Variants in MBD5 observed in about 807,000 individuals in gnomAD.
MBD5 encodes the protein methyl-CpG-binding domain protein 5.
Under a neutral mutation model 117.3 loss-of-function variants are expected in MBD5, and 13 were observed. The ratio of observed to expected loss-of-function variants is 0.11; its 90% confidence interval spans 0.07 to 0.18. MBD5 has a LOEUF of 0.18. Ranked by LOEUF, MBD5 falls within the 10% of genes least tolerant of loss-of-function variation. The pLI is 1.00. For missense variants in MBD5, 1,879 were observed against 2,093.8 expected, an observed-to-expected ratio of 0.90 and a Z score of 2.00; for synonymous variants, 727 against 766.4, an observed-to-expected ratio of 0.95 and a Z score of 0.85.
chr2:148,220,490 C>A (rs887664114), intron 2 of MBD5, among the ~76,000 whole-genome samples: 9 of 152,194 alleles, frequency 5.9e-5, no homozygotes, highest in African/African-American at 2.2e-4. Flanking sequence ...CCCTTATCTG[C>A]AATTCTAATA....
At chr2:148,511,455 T>G (rs746771848) in intron 13 of MBD5, among the ~76,000 whole-genome samples, 3 of 152,372 alleles carry the variant, frequency 2.0e-5, no homozygotes, top group Non-Finnish European at 4.4e-5. Context: ...CTGGGAGTCA[T>G]GTGCTCTCTC....
intron 4 of MBD5, among the ~76,000 whole-genome samples, chr2:148,402,026 G>C (rs115414466): frequency 9.5e-4 from 144 of 152,060 alleles, no homozygotes; most frequent in African/African-American, 3.4e-3. Context: ...CCCGTTCTCG[G>C]TGCTTTATAG....
intron 3 of MBD5, among the ~76,000 whole-genome samples, chr2:148,307,770 T>C (rs1166691942): frequency 6.6e-6 from 1 of 152,136 alleles, no homozygotes; most frequent in Non-Finnish European, 1.5e-5. Flanking sequence ...TAGGTATTTC[T>C]CCTAATGCTA....
intron 10 of MBD5, among the ~76,000 whole-genome samples, chr2:148,488,789 T>C (rs1257504982): frequency 6.6e-6 from 1 of 152,166 alleles, no homozygotes; most frequent in African/African-American, 2.4e-5. Flanking sequence ...TGAGAATCAC[T>C]TCTGCAAACA....
intron 4 of MBD5, among the ~76,000 whole-genome samples, chr2:148,397,360 C>T (rs1282212846): frequency 1.0e-4 from 14 of 136,580 alleles, no homozygotes; most frequent in East Asian, 8.7e-4. Context: ...GACGGAGTCT[C>T]GCTGTCTCGC....
At chr2:148,467,219 A>G (rs76130915) in intron 7 of MBD5, among the ~76,000 whole-genome samples, 2,159 of 152,242 alleles carry the variant, frequency 0.014, 39 homozygotes, top group African/African-American at 0.05. Context: ...TTTACTTGCC[A>G]TTTTCATTTT....
In MBD5 at chr2:148,468,353, T is replaced by A; in HGVS notation, c.410T>A (p.Val137Glu). ...TCTTTCACATCAGATGCAACTCCAG[T>A]AGTACCTTCTCGGGCAGCAACTCCA... ...SPGGGTNATP[V>E]VPSRAATPRS... Residue 137 changes from valine (V) to glutamate (E), a missense_variant, in exon 8 of 14, where the codon GTA becomes GAA. This residue lies in a region of MBD5 where 1,666 missense variants were observed against 1,792.2 expected (regional missense o/e 0.93). Transcript: ENST00000642680. The A allele has an allele frequency of 6.2e-7, 1 of 1,613,442 alleles. No individual in the cohort carries two copies. Among genetic ancestry groups the A allele is most frequent in the East Asian group, 2.2e-5 (1 of 44,824 alleles).
At chr2:148,138,605 T>C (rs987325115) in intron 1 of MBD5, among the ~76,000 whole-genome samples, 2 of 152,102 alleles carry the variant, frequency 1.3e-5, no homozygotes, top group Non-Finnish European at 2.9e-5. Context: ...AGTGGGGAGA[T>C]TGGGAAGCTA....
At chr2:148,256,805 C>T (rs746967422) in intron 3 of MBD5, among the ~76,000 whole-genome samples, 2 of 152,256 alleles carry the variant, frequency 1.3e-5, no homozygotes, top group Non-Finnish European at 2.9e-5. Flanking sequence ...GCCCCATGGC[C>T]TTAGGCCCCA....
chr2:148,277,198 A>G, intron 3 of MBD5, among the ~76,000 whole-genome samples: 1 of 152,180 alleles, frequency 6.6e-6, no homozygotes, highest in East Asian at 1.9e-4. Context: ...CATGGTAAGA[A>G]GTTATGGAAA....
At chr2:148,343,238 A>G (rs1702997606) in intron 4 of MBD5, among the ~76,000 whole-genome samples, 2 of 151,830 alleles carry the variant, frequency 1.3e-5, no homozygotes, top group Non-Finnish European at 2.9e-5. Context: ...TAATATTGTG[A>G]ATGCATGTGT....
intron 3 of MBD5, among the ~76,000 whole-genome samples, chr2:148,299,929 A>G (rs772725210): frequency 1.3e-5 from 2 of 152,154 alleles, no homozygotes; most frequent in Non-Finnish European, 2.9e-5. Context: ...TAAGCAGACC[A>G]TCTATTTTAT....
At chr2:148,467,810 G>T (rs1680604129) in intron 7 of MBD5, among the ~76,000 whole-genome samples, 1 of 152,110 alleles carries the variant, frequency 6.6e-6, no homozygotes, top group South Asian at 2.1e-4. Context: ...TGAGAAGGTT[G>T]CAGTAAGATA....
intron 2 of MBD5, among the ~76,000 whole-genome samples, chr2:148,214,220 T>G (rs181776728): frequency 3.9e-5 from 6 of 152,312 alleles, no homozygotes; most frequent in African/African-American, 1.4e-4. Context: ...TTTTAGGACT[T>G]GAGACCCAGG....
At chr2:148,183,180 T>C (rs2105865312) in intron 2 of MBD5, among the ~76,000 whole-genome samples, 1 of 152,272 alleles carries the variant, frequency 6.6e-6, no homozygotes, top group Non-Finnish European at 1.5e-5. Context: ...TGAGCAATGA[T>C]ATGGTCTGAT....
intron 2 of MBD5, among the ~76,000 whole-genome samples, chr2:148,221,662 C>A (rs1157028666): frequency 6.6e-6 from 1 of 151,900 alleles, no homozygotes. Context: ...AGTTATTAAC[C>A]CCTAGTCTGA....
intron 2 of MBD5, among the ~76,000 whole-genome samples, chr2:148,204,893 A>T (rs991730087): frequency 6.6e-6 from 1 of 152,176 alleles, no homozygotes; most frequent in African/African-American, 2.4e-5. Context: ...AAAGGATTTA[A>T]CTGTAAAAGA....
Position 148,470,054 on chromosome 2 carries a change from T to C in MBD5, c.2111T>C (p.Leu704Ser). ...TTTCCCATCAGTTCAATGTCTCAGT[T>C]ACTACAGTCTATGAGTTGTCAAAGC... ...GSFPISSMSQLLQSMSCQSSH... is the reference protein window; with the variant it reads ...GSFPISSMSQSLQSMSCQSSH... Residue 704 changes from leucine to serine, a missense_variant, in exon 8 of 14, where the codon TTA (leucine) becomes TCA (serine). Around this residue, in one of 4 missense-constraint regions of MBD5, gnomAD observed 1,666 missense variants for 1,792.2 expected, o/e 0.93. Coordinates refer to ENST00000642680, the MANE Select transcript of MBD5 (RefSeq NM_001378120.1). 1 of 1,613,916 alleles carries C rather than the reference T, an allele frequency of 6.2e-7. No individual in the cohort carries two copies. Among genetic ancestry groups the C allele is most frequent in the Non-Finnish European group, 8.5e-7 (1 of 1,179,896 alleles).
intron 4 of MBD5, among the ~76,000 whole-genome samples, chr2:148,404,859 T>G (rs1036229854): frequency 3.3e-5 from 5 of 152,192 alleles, no homozygotes; most frequent in African/African-American, 1.2e-4. Context: ...ATTTTTTATC[T>G]AATTTATTTT....
Sources: allele counts gnomAD v4.1 joint callset (sites outside exome capture counted in the v4.1 genomes callset), GRCh38; gene constraint gnomAD v4.1.1; regional missense constraint gnomAD v4.1.1; transcripts MANE v1.5; gene names NCBI Gene and HGNC (gene_info 2026-07-23, HGNC 2026-07-21).